The following CCSER1 variants were observed in gnomAD, a reference collection of about 807,000 sequenced individuals.
CCSER1 encodes the protein coiled-coil serine rich protein 1.
In CCSER1, 41 loss-of-function variants were observed where a neutral mutation model predicts 82.0. That is an observed-to-expected ratio of 0.50 (90% CI 0.39 to 0.65). The LOEUF (loss-of-function observed/expected upper bound fraction) is 0.65. CCSER1 is among the 30% of genes least tolerant of loss of function. The pLI is 0.00. For missense variants in CCSER1, 1,119 were observed against 1,064.2 expected (o/e 1.05, Z -0.72); for synonymous variants, 414 against 383.9 (o/e 1.08, Z -0.92).
chr4:91,052,794 A>AAACATCT (rs1177461771), intron 9 of CCSER1, among the ~76,000 whole-genome samples: 1 of 152,158 alleles, frequency 6.6e-6, no homozygotes, highest in East Asian at 1.9e-4. Context: ...GATTTACTCT[A>AAACATCT]AACAGTATTT....
chr4:90,195,790 A>G (rs989945534), intron 1 of CCSER1, among the ~76,000 whole-genome samples: 2 of 152,146 alleles, frequency 1.3e-5, no homozygotes, highest in African/African-American at 4.8e-5. Context: ...TACGTTTGGC[A>G]TTTTAGTCTA....
intron 5 of CCSER1, among the ~76,000 whole-genome samples, chr4:90,472,142 C>T (rs1405344056): frequency 6.6e-6 from 1 of 152,072 alleles, no homozygotes; most frequent in Non-Finnish European, 1.5e-5. Flanking sequence ...CATATAAATT[C>T]ATAAATCATT....
intron 7 of CCSER1, among the ~76,000 whole-genome samples, chr4:90,755,869 T>C (rs1749442447): frequency 6.6e-6 from 1 of 152,222 alleles, no homozygotes. Context: ...TTTACACTTC[T>C]AAAGTATATT....
chr4:91,445,341 G>A (rs1012915309), intron 10 of CCSER1, among the ~76,000 whole-genome samples: 4 of 150,856 alleles, frequency 2.7e-5, no homozygotes, highest in Admixed American at 6.6e-5. Context: ...TTTGTATTGG[G>A]AGATAAAAAG....
intron 4 of CCSER1, among the ~76,000 whole-genome samples, chr4:90,448,464 T>TATAG (rs1760986133): frequency 8.8e-6 from 1 of 113,686 alleles, no homozygotes; most frequent in Admixed American, 7.9e-5. Flanking sequence ...TATATATATA[T>TATAG]ATATATATAT....
At chr4:90,369,069 AAAT>A (rs1359117321) in intron 3 of CCSER1, among the ~76,000 whole-genome samples, 2 of 151,960 alleles carry the variant, frequency 1.3e-5, no homozygotes, top group Non-Finnish European at 2.9e-5. Flanking sequence ...TAAAATCAGT[AAAT>A]AATATCTGTG....
chr4:90,339,010 G>T (rs907097808), intron 3 of CCSER1, among the ~76,000 whole-genome samples: 2 of 152,094 alleles, frequency 1.3e-5, no homozygotes, highest in African/African-American at 4.8e-5. Flanking sequence ...GCACATACAT[G>T]TGTTTCTGTG....
intron 2 of CCSER1, among the ~76,000 whole-genome samples, chr4:90,312,645 T>C (rs1735504321): frequency 6.6e-6 from 1 of 152,120 alleles, no homozygotes; most frequent in Non-Finnish European, 1.5e-5. Flanking sequence ...ATGTGATTAA[T>C]GTGAGCAACG....
At chr4:91,423,264 TA>T (rs143322815) in intron 10 of CCSER1, among the ~76,000 whole-genome samples, 4,269 of 138,144 alleles carry the variant, frequency 0.031, 133 homozygotes, top group African/African-American at 0.092. Context: ...CGTCTCTACT[TA>T]AAAAAAAAAA....
At chr4:90,740,699 T>C (rs1746405064) in intron 7 of CCSER1, among the ~76,000 whole-genome samples, 1 of 152,172 alleles carries the variant, frequency 6.6e-6, no homozygotes, top group African/African-American at 2.4e-5. Context: ...CACATTCATT[T>C]TCTGTCTTAA....
At chr4:90,174,356 T>C (rs749222467) in intron 1 of CCSER1, among the ~76,000 whole-genome samples, 3 of 152,002 alleles carry the variant, frequency 2.0e-5, no homozygotes, top group Non-Finnish European at 4.4e-5. Flanking sequence ...CCTTCCACTG[T>C]AAACAGCAAA....
At chr4:90,587,701 G>T (rs1664525647) in intron 5 of CCSER1, among the ~76,000 whole-genome samples, 1 of 152,052 alleles carries the variant, frequency 6.6e-6, no homozygotes, top group Non-Finnish European at 1.5e-5. Flanking sequence ...CACTTAAGTT[G>T]CTTTATTTCT....
At chr4:90,773,538 A>AAAG in intron 7 of CCSER1, among the ~76,000 whole-genome samples, 1 of 152,298 alleles carries the variant, frequency 6.6e-6, no homozygotes, top group Admixed American at 6.5e-5. Flanking sequence ...AAGACTACTC[A>AAAG]GGAATAAAAA....
At chr4:91,189,835 ATAAT>A (rs1211127995) in intron 10 of CCSER1, among the ~76,000 whole-genome samples, 1 of 152,194 alleles carries the variant, frequency 6.6e-6, no homozygotes, top group African/African-American at 2.4e-5. Flanking sequence ...TTTTTGAATA[ATAAT>A]TTAACATTTG....
At chr4:90,200,540 A>G (rs180770609) in intron 1 of CCSER1, among the ~76,000 whole-genome samples, 2 of 152,190 alleles carry the variant, frequency 1.3e-5, no homozygotes, top group Admixed American at 1.3e-4. Flanking sequence ...GCCATTCTAG[A>G]GCTTTCAGCA....
At chr4:90,975,152 T>G (rs1735490334) in intron 9 of CCSER1, among the ~76,000 whole-genome samples, 1 of 151,408 alleles carries the variant, frequency 6.6e-6, no homozygotes, top group African/African-American at 2.4e-5. Flanking sequence ...TATGAAATGT[T>G]CAGAATAGGC....
At chr4:90,792,625 C>T (rs1186666995) in intron 7 of CCSER1, among the ~76,000 whole-genome samples, 3 of 152,168 alleles carry the variant, frequency 2.0e-5, no homozygotes, top group African/African-American at 7.2e-5. Context: ...TACATGGACA[C>T]TCAGACAGAT....
intron 9 of CCSER1, among the ~76,000 whole-genome samples, chr4:91,075,558 G>C (rs1350371484): frequency 6.6e-6 from 1 of 152,086 alleles, no homozygotes; most frequent in Non-Finnish European, 1.5e-5. Flanking sequence ...ACATATATAT[G>C]AATAATTTGA....
intron 6 of CCSER1, among the ~76,000 whole-genome samples, chr4:90,660,106 A>G (rs1050840889): frequency 6.6e-6 from 1 of 152,004 alleles, no homozygotes; most frequent in South Asian, 2.1e-4. Flanking sequence ...TACAATCTCT[A>G]TAGGAAACAG....
Sources: allele counts gnomAD v4.1 joint callset (sites outside exome capture counted in the v4.1 genomes callset), GRCh38; gene constraint gnomAD v4.1.1; transcripts MANE v1.5; gene names NCBI Gene and HGNC (gene_info 2026-07-23, HGNC 2026-07-21).